The following TG variants were observed in gnomAD, a reference collection of about 807,000 sequenced individuals.
TG encodes thyroid hormones.
Under a neutral mutation model 324.7 loss-of-function variants are expected in TG, and 270 were observed. The ratio of observed to expected loss-of-function variants is 0.83; its 90% CI spans 0.75 to 0.92. The LOEUF (loss-of-function observed/expected upper bound fraction) is 0.92, where lower values mean the gene tolerates loss of function less well. Among genes scored for constraint, TG ranks in the 40% least tolerant of loss-of-function variants. The pLI, the probability that TG is intolerant of heterozygous loss-of-function variation, is 0.00. For missense variants in TG, 3,591 were observed against 3,456.4 expected, an observed-to-expected ratio of 1.04 and a Z score of -0.98; for synonymous variants, 1,401 against 1,327.0, an observed-to-expected ratio of 1.06 and a Z score of -1.21.
In TG at chr8:132,921,520, G is replaced by T. The variant is rs546704081; in HGVS notation, c.4529-1818G>T. Among the ~76,000 whole-genome samples the T allele has an allele frequency of 1.1e-4, 17 of 152,270 alleles. No individual in the cohort carries two copies. The East Asian group carries it at 3.3e-3, about 29-fold the overall frequency. ...AATTACCAGGCCTGTGTTCTTAGAT[G>T]GAATTGTACTGAAGAGAAGCACAGG... On this transcript the variant is annotated intron_variant, in intron 21 of 47. Transcript: ENST00000220616.
At chr8:132,874,087 A>C (rs1839744106) in intron 5 of TG, among the ~76,000 whole-genome samples, 1 of 152,052 alleles carries the variant, frequency 6.6e-6, no homozygotes, top group Non-Finnish European at 1.5e-5. Flanking sequence ...CAGGAGAATC[A>C]CTTGAACCCA....
intron 23 of TG, among the ~76,000 whole-genome samples, chr8:132,933,088 A>G (rs1331542799): frequency 6.6e-6 from 1 of 151,732 alleles, no homozygotes; most frequent in African/African-American, 2.4e-5. Flanking sequence ...TCGATGATTC[A>G]ATACACAGAA....
chr8:132,998,600 G>A (rs1451795311), intron 35 of TG, among the ~76,000 whole-genome samples: 1 of 152,204 alleles, frequency 6.6e-6, no homozygotes, highest in Non-Finnish European at 1.5e-5. Flanking sequence ...GTTGGATGAT[G>A]AGCCACTGAG....
At chr8:133,085,947 T>C (rs28402248) in intron 41 of TG, among the ~76,000 whole-genome samples, 44,905 of 152,066 alleles carry the variant, frequency 0.3, 6,839 homozygotes, top group African/African-American at 0.34. Context: ...TTATTCATAA[T>C]TGGCAAAAAG....
rs372101011 is a variant in TG at position 132,968,177 on chromosome 8, G to A, written c.5863+207G>A. Among the ~76,000 whole-genome samples the A allele has an allele frequency of 1.1e-3, 170 of 152,260 alleles. 1 individual carries two copies. Among genetic ancestry groups the A allele is most frequent in the Middle Eastern group, 0.01 (3 of 294 alleles). On this transcript the variant is annotated intron_variant, in intron 31 of 47. Coordinates refer to ENST00000220616, the MANE Select transcript of TG (RefSeq NM_003235.5). ...TTGTCTCAGTTTAAACAAAAAATATGAAAAAGGGTTATTTGGGGGCAGTAT... is the reference window on the plus strand; with the variant it reads ...TTGTCTCAGTTTAAACAAAAAATATAAAAAAGGGTTATTTGGGGGCAGTAT...
intron 35 of TG, among the ~76,000 whole-genome samples, chr8:132,985,625 C>T (rs1379929236): frequency 6.6e-6 from 1 of 152,190 alleles, no homozygotes; most frequent in Non-Finnish European, 1.5e-5. Flanking sequence ...CAGTAGCATC[C>T]TGTTACAATT....
At chr8:132,880,014 C>G (rs1469573456) in intron 5 of TG, among the ~76,000 whole-genome samples, 1 of 152,196 alleles carries the variant, frequency 6.6e-6, no homozygotes, top group Non-Finnish European at 1.5e-5. Flanking sequence ...CCACCTCGGG[C>G]CAGCACTTGT....
At chr8:133,052,740 A>T (rs7819747) in intron 41 of TG, among the ~76,000 whole-genome samples, 2 of 152,172 alleles carry the variant, frequency 1.3e-5, no homozygotes, top group Non-Finnish European at 2.9e-5. Context: ...AAAATACACA[A>T]TTGCAAATAC....
chr8:133,085,961 A>G (rs1846480762), intron 41 of TG, among the ~76,000 whole-genome samples: 1 of 152,252 alleles, frequency 6.6e-6, no homozygotes, highest in Non-Finnish European at 1.5e-5. Context: ...CAAAAAGTAG[A>G]AACAACCCAA....
At position 132,901,512 on chromosome 8, in the gene TG, T is replaced by G. The variant is rs1587324674; in HGVS notation, c.3593T>G (p.Val1198Gly). ...TGTGTCATGGACAGCGGAGAAGAGG[T>G]GCCTGGGACGCGCGTGACCGGGGGC... ...CWCVMDSGEE[V>G]PGTRVTGGQP... Residue 1198 changes from valine (V) to glycine (G), a missense_variant, in exon 16 of 48, where the codon GTG (valine) becomes GGG (glycine). Transcript: ENST00000220616. 1.2e-6 allele frequency: 2 copies of G among 1,613,662 alleles called. No individual in the cohort carries two copies. The highest frequency in any genetic ancestry group is 1.7e-6 in the Non-Finnish European group (2 of 1,179,952).
intron 43 of TG, among the ~76,000 whole-genome samples, chr8:133,099,013 T>G (rs941666591): frequency 6.6e-6 from 1 of 152,244 alleles, no homozygotes; most frequent in Non-Finnish European, 1.5e-5. Flanking sequence ...ATTTGCATTC[T>G]TCTCATTGAG....
chr8:133,008,810 T>C (rs1834244968), intron 35 of TG, among the ~76,000 whole-genome samples: 1 of 152,248 alleles, frequency 6.6e-6, no homozygotes, highest in Admixed American at 6.5e-5. Flanking sequence ...TTGGTTATCA[T>C]GAATACTAAA....
intron 16 of TG, among the ~76,000 whole-genome samples, chr8:132,905,771 C>T (rs1033328311): frequency 6.6e-6 from 1 of 152,082 alleles, no homozygotes; most frequent in African/African-American, 2.4e-5. Context: ...AAGGTCTGTA[C>T]CTGGTGGCCT....
intron 19 of TG, 127 bp from the exon 20 acceptor site, chr8:132,912,920 G>A: frequency 1.1e-6 from 1 of 916,008 alleles, no homozygotes; most frequent in Non-Finnish European, 1.7e-6. Context: ...TCTGTAAAAT[G>A]AGACACCACA....
At chr8:132,971,959 T>C in intron 33 of TG, 86 bp downstream of exon 33, 1 of 971,978 alleles carries the variant, frequency 1.0e-6, no homozygotes, top group Non-Finnish European at 1.7e-6. Context: ...TTACAAATCC[T>C]CAGCATCTCC....
Position 132,881,442 on chromosome 8 carries a change from A to C in TG, c.639-421A>C, listed in dbSNP as rs79810657. Among the ~76,000 whole-genome samples the C allele has an allele frequency of 5.8e-3, 879 of 152,336 alleles. 4 individuals are homozygous for C. The highest frequency in any genetic ancestry group is 8.0e-3 in the Non-Finnish European group (544 of 68,030). On this transcript the variant is annotated intron_variant, in intron 5 of 47. Transcript: ENST00000220616. ...GGGGCCTGAAGTCATTTGATCTCCC[A>C]AAATGAGATAATCTCCAATGTACCA...
intron 47 of TG, 134 bp downstream of exon 47, chr8:133,133,794 G>A (rs900642837): frequency 3.3e-5 from 34 of 1,027,364 alleles, no homozygotes; most frequent in Non-Finnish European, 4.6e-5. Context: ...GCCCCTTCCT[G>A]TGAGTTGTTC....
At chr8:132,982,419 G>A (rs1473105651) in intron 34 of TG, among the ~76,000 whole-genome samples, 1 of 152,218 alleles carries the variant, frequency 6.6e-6, no homozygotes, top group Non-Finnish European at 1.5e-5. Context: ...GGAAGAAAAA[G>A]GGGAAGAAGA....
intron 23 of TG, 119 bp from the exon 24 acceptor site, chr8:132,933,442 G>A: frequency 2.6e-6 from 2 of 768,326 alleles, no homozygotes; most frequent in South Asian, 2.8e-5. Context: ...ATTTGTGTGT[G>A]TGTGTGTGTG....
Sources: gnomAD v4.1 joint callset for allele counts (sites outside exome capture counted in the v4.1 genomes callset) on GRCh38, gnomAD v4.1.1 for gene constraint, MANE v1.5 for transcripts, NCBI Gene and HGNC (gene_info 2026-07-23, HGNC 2026-07-21) for gene names.